Variants in CRTC3 observed in about 807,000 individuals in gnomAD.
CRTC3 encodes CREB-regulated transcription coactivator 3.
A neutral mutation model predicts 74.5 loss-of-function variants in CRTC3; 26 were observed. The observed-to-expected ratio is 0.35, with a 90% CI of 0.26 to 0.48. CRTC3 has a LOEUF of 0.48. CRTC3 is among the 20% of genes least tolerant of loss of function. The pLI is 0.99. For missense variants in CRTC3, 760 were observed against 787.3 expected, an observed-to-expected ratio of 0.97 and a Z score of 0.41; for synonymous variants, 377 against 325.8, an observed-to-expected ratio of 1.16 and a Z score of -1.69.
chr15:90,643,230 C>T lies in CRTC3; in HGVS notation c.*1090C>T, dbSNP rs369224731. ...GCGTGCAGCGCATGATGAATGAGTG[C>T]GTCCGCCATGCCGTAAGGCAGGCTC... On this transcript the variant is annotated 3_prime_UTR_variant, in exon 15 of 15. Transcript: ENST00000268184. 8 of 232,248 alleles carry T rather than the reference C, an allele frequency of 3.4e-5. No homozygotes were observed. Among genetic ancestry groups the T allele is most frequent in the East Asian group, 1.8e-4 (3 of 16,472 alleles). The allele number at this position is 232,248 out of a possible 1,614,324, so 14.4% of individuals were successfully genotyped here. A position where few individuals can be genotyped will look rare whatever the true frequency, so the allele number is the denominator to read the frequency against.
At chr15:90,593,553 A>C in intron 2 of CRTC3, 83 bp from the exon 3 acceptor site, 1 of 1,526,676 alleles carries the variant, frequency 6.6e-7, no homozygotes, top group Non-Finnish European at 9.0e-7. Context: ...CGGTCCTTTC[A>C]TCTCCTGTTG....
intron 14 of CRTC3, among the ~76,000 whole-genome samples, chr15:90,641,560 C>T (rs959163214): frequency 1.3e-5 from 2 of 151,958 alleles, no homozygotes; most frequent in African/African-American, 4.8e-5. Context: ...ATTAGCTGGG[C>T]ATGGCGGCGG....
At position 90,535,610 on chromosome 15, in the gene CRTC3, T is replaced by C. The variant is rs146319390; in HGVS notation, c.133-4429T>C. On this transcript the variant is annotated intron_variant, in intron 1 of 14. Coordinates refer to ENST00000268184, the MANE Select transcript of CRTC3 (RefSeq NM_022769.5). ...TAACTCAGCATATCACCCTGGAGTG[T>C]TGATTGGACTTGAATATTTGCGCAG... Among the ~76,000 whole-genome samples, 28 of 152,218 alleles carry C rather than the reference T, an allele frequency of 1.8e-4. No homozygotes were observed. The East Asian group carries it at 5.2e-3, about 28-fold the overall frequency.
At chr15:90,533,033 C>T (rs368658360) in intron 1 of CRTC3, among the ~76,000 whole-genome samples, 1 of 119,494 alleles carries the variant, frequency 8.4e-6, no homozygotes, top group Non-Finnish European at 1.6e-5. Flanking sequence ...TGCAGTGAGC[C>T]GGGATCGCAC....
At chr15:90,602,234 A>T in intron 3 of CRTC3, 90 bp from the exon 4 acceptor site, 1 of 772,576 alleles carries the variant, frequency 1.3e-6, no homozygotes, top group South Asian at 1.5e-5. Context: ...GGAACCAAAA[A>T]CTCAGTTGTT....
intron 11 of CRTC3, among the ~76,000 whole-genome samples, chr15:90,632,539 C>T (rs1003653665): frequency 1.3e-5 from 2 of 152,210 alleles, no homozygotes; most frequent in South Asian, 2.1e-4. Flanking sequence ...CTTTCCCTCT[C>T]GTTAGGCATA....
At chr15:90,616,984 C>T (rs1364634546) in intron 7 of CRTC3, among the ~76,000 whole-genome samples, 1 of 152,034 alleles carries the variant, frequency 6.6e-6, no homozygotes. Flanking sequence ...GTTGCAGGTT[C>T]TCTCCTCATC....
chr15:90,607,367 C>G lies in CRTC3; in HGVS notation c.477-11C>G, dbSNP rs897012597. 2.0e-5 allele frequency: 32 copies of G among 1,565,420 alleles called. No individual in the cohort carries two copies. The highest frequency in any genetic ancestry group is 5.4e-5 in the African/African-American group (4 of 73,620). ...CGGATTTTCAGCCAGCCTCTCTCCT[C>G]CCCTCCTTAGGACCAATTCTGATTC... On this transcript the variant is annotated splice_polypyrimidine_tract_variant and intron_variant, in intron 5 of 14. Coordinates refer to ENST00000268184, the MANE Select transcript of CRTC3 (RefSeq NM_022769.5).
intron 1 of CRTC3, among the ~76,000 whole-genome samples, chr15:90,532,893 T>A (rs1341000369): frequency 6.6e-6 from 1 of 150,582 alleles, no homozygotes; most frequent in Non-Finnish European, 1.5e-5. Context: ...GAGACCATCC[T>A]GGCCAACATG....
chr15:90,624,483 C>T (rs1172362433), intron 9 of CRTC3, among the ~76,000 whole-genome samples: 3 of 152,156 alleles, frequency 2.0e-5, no homozygotes, highest in African/African-American at 7.2e-5. Flanking sequence ...CACCCTCCCT[C>T]CTCACCCTCT....
At chr15:90,604,122 C>A in intron 4 of CRTC3, 1 of 365,700 alleles carries the variant, frequency 2.7e-6, no homozygotes, top group Non-Finnish European at 5.1e-6. Context: ...AACTCCTCAT[C>A]TGCCCAGCTA....
In CRTC3 at chr15:90,641,146, T is replaced by G. The variant is rs763862599; in HGVS notation, c.1598T>G (p.Leu533Trp). The G allele has an allele frequency of 1.2e-5, 20 of 1,614,000 alleles. No homozygotes were observed. Among genetic ancestry groups the G allele is most frequent in the Non-Finnish European group, 1.7e-5 (20 of 1,180,002 alleles). Residue 533 changes from leucine (L) to tryptophan (W), a missense_variant, in exon 14 of 15, where the codon TTG (leucine) becomes TGG (tryptophan). By Grantham distance (61) the Leu-to-Trp change is moderately conservative (BLOSUM62 -2). Transcript: ENST00000268184. ...GSRELQDSFH[L>W]RPSPYSNCGS... ...CGAGAACTGCAGGACTCTTTTCATT[T>G]GAGACCAAGCCCGTATTCCAACTGC...
intron 2 of CRTC3, among the ~76,000 whole-genome samples, chr15:90,556,443 G>A (rs1295886872): frequency 6.6e-6 from 1 of 152,196 alleles, no homozygotes; most frequent in Non-Finnish European, 1.5e-5. Flanking sequence ...CTTAAGGATA[G>A]GAGATCCTTA....
intron 11 of CRTC3, among the ~76,000 whole-genome samples, chr15:90,630,341 C>A (rs2151093328): frequency 6.6e-6 from 1 of 152,296 alleles, no homozygotes; most frequent in East Asian, 1.9e-4. Flanking sequence ...ATTTGAGAAA[C>A]AATACTTTTA....
chr15:90,550,687 C>T (rs998855857), intron 2 of CRTC3, among the ~76,000 whole-genome samples: 35 of 151,716 alleles, frequency 2.3e-4, no homozygotes, highest in African/African-American at 7.5e-4. Context: ...ATCTCGAAAC[C>T]TGCTTTTTTT....
chr15:90,532,857 C>T (rs962946253), intron 1 of CRTC3, among the ~76,000 whole-genome samples: 14 of 151,700 alleles, frequency 9.2e-5, no homozygotes, highest in Admixed American at 2.0e-4. Flanking sequence ...GAGGCTGAGG[C>T]GGGCAGATCA....
chr15:90,551,032 C>T (rs1966855033), intron 2 of CRTC3, among the ~76,000 whole-genome samples: 1 of 152,172 alleles, frequency 6.6e-6, no homozygotes, highest in Non-Finnish European at 1.5e-5. Flanking sequence ...TCCTCTACTT[C>T]CTTTTTCTGA....
intron 2 of CRTC3, among the ~76,000 whole-genome samples, chr15:90,569,363 A>G (rs1053401488): frequency 2.1e-4 from 30 of 144,532 alleles, no homozygotes; most frequent in African/African-American, 7.6e-4. Context: ...CTTGTTGCCC[A>G]GGCCGAAGTG....
chr15:90,593,813 A>G, intron 3 of CRTC3, 58 bp downstream of exon 3: 1 of 1,533,582 alleles, frequency 6.5e-7, no homozygotes. Flanking sequence ...AAAAGTTTTC[A>G]GGATTTATCT....
Sources: gnomAD v4.1 joint callset for allele counts (sites outside exome capture counted in the v4.1 genomes callset) on GRCh38, gnomAD v4.1.1 for gene constraint, MANE v1.5 for transcripts, NCBI Gene and HGNC (gene_info 2026-07-23, HGNC 2026-07-21) for gene names.